The following PGM2 variants were observed in gnomAD, a reference collection of about 807,000 sequenced individuals.
PGM2 encodes phosphoglucomutase 2.
PGM2 carries 57 observed loss-of-function variants against 74.6 expected under a neutral mutation model. The observed-to-expected ratio is 0.76, with a 90% confidence interval of 0.62 to 0.95. The LOEUF (loss-of-function observed/expected upper bound fraction) is 0.95. PGM2 is among the 40% of genes least tolerant of loss of function. PGM2 has a pLI of 0.00. For synonymous variants in PGM2, 273 were observed against 260.7 expected (o/e 1.05, Z -0.46); for missense variants, 706 against 741.9 (o/e 0.95, Z 0.56).
chr4:37,844,185 T>G (rs1725802883), intron 6 of PGM2, among the ~76,000 whole-genome samples, 179 bp from the exon 7 acceptor site: 1 of 151,226 alleles, frequency 6.6e-6, no homozygotes, highest in African/African-American at 2.4e-5. Context: ...AGAGTAGAAT[T>G]TAAAACTTGA....
At chr4:37,859,322 G>A (rs1711677793) in intron 13 of PGM2, among the ~76,000 whole-genome samples, 1 of 152,138 alleles carries the variant, frequency 6.6e-6, no homozygotes, top group Non-Finnish European at 1.5e-5. Flanking sequence ...GTTTCCAGTG[G>A]ACCAACAGAA....
intron 12 of PGM2, among the ~76,000 whole-genome samples, chr4:37,852,582 G>C (rs1726079495): frequency 6.6e-6 from 1 of 152,160 alleles, no homozygotes; most frequent in Non-Finnish European, 1.5e-5. Flanking sequence ...GTCTTATTCT[G>C]TCCTCACACT....
At chr4:37,841,705 G>A (rs1346306050) in intron 6 of PGM2, among the ~76,000 whole-genome samples, 3 of 152,140 alleles carry the variant, frequency 2.0e-5, no homozygotes, top group African/African-American at 4.8e-5. Flanking sequence ...GACAAAATAC[G>A]TCTGTGAACT....
intron 12 of PGM2, among the ~76,000 whole-genome samples, chr4:37,852,269 T>G (rs1419588020): frequency 6.6e-6 from 1 of 150,962 alleles, no homozygotes; most frequent in African/African-American, 2.4e-5. Flanking sequence ...CCTGCCTTAA[T>G]TCATGTAGTA....
chr4:37,854,119 T>G (rs1726124612), intron 12 of PGM2, among the ~76,000 whole-genome samples: 1 of 152,172 alleles, frequency 6.6e-6, no homozygotes, highest in African/African-American at 2.4e-5. Flanking sequence ...AGACCAGTTC[T>G]GTGCCTCCAT....
In PGM2 at chr4:37,848,539, T is replaced by C. The variant is rs1233897557; in HGVS notation, c.1300T>C (p.Phe434Leu). 6.2e-6 allele frequency: 10 copies of C among 1,613,718 alleles called. No homozygotes were observed. The highest frequency in any genetic ancestry group is 1.3e-5 in the African/African-American group (1 of 75,046). Residue 434 changes from phenylalanine to leucine, a missense_variant, in exon 11 of 14, where the codon TTT becomes CTT. Coordinates refer to ENST00000381967, the MANE Select transcript of PGM2 (RefSeq NM_018290.4). ...TTCTGCAGGATACATGTGCTGCCCTTTTGTTCTGGACAAAGATGGAGTCAG... is the reference window on the plus strand; with the variant it reads ...TTCTGCAGGATACATGTGCTGCCCTCTTGTTCTGGACAAAGATGGAGTCAG... ...EEAIGYMCCP[F>L]VLDKDGVSAA...
In PGM2 at chr4:37,840,071, T is replaced by C. The variant is rs757963215; in HGVS notation, c.531T>C (p.Tyr177=). Residue 177 remains tyrosine, a synonymous_variant, in exon 6 of 14, where the codon TAT becomes TAC. Transcript: ENST00000381967. ...NPKQDNGYKV[Y]WDNGAQIISP... ...TGTGTTCCTGGGTCCTCTAGGTCTATTGGGATAATGGAGCTCAGATCATTT... is the reference window on the plus strand; with the variant it reads ...TGTGTTCCTGGGTCCTCTAGGTCTACTGGGATAATGGAGCTCAGATCATTT... 3 of 1,612,950 alleles carry C rather than the reference T, an allele frequency of 1.9e-6. No individual in the cohort carries two copies. Among genetic ancestry groups the C allele is most frequent in the African/African-American group, 1.3e-5 (1 of 74,858 alleles).
chr4:37,848,086 TAAA>T (rs1298099050), intron 10 of PGM2, among the ~76,000 whole-genome samples: 5 of 152,200 alleles, frequency 3.3e-5, no homozygotes, highest in African/African-American at 1.2e-4. Flanking sequence ...TCAGTGACTC[TAAA>T]AGAAATGGAT....
chr4:37,832,672 G>C (rs888206704), intron 2 of PGM2, among the ~76,000 whole-genome samples: 4 of 152,146 alleles, frequency 2.6e-5, no homozygotes, highest in African/African-American at 9.7e-5. Flanking sequence ...TTTAGCCATA[G>C]CATACCAGTG....
chr4:37,833,326 C>T (rs1039525673), intron 2 of PGM2, among the ~76,000 whole-genome samples: 1 of 152,156 alleles, frequency 6.6e-6, no homozygotes, highest in Non-Finnish European at 1.5e-5. Flanking sequence ...GAGGCCAAGG[C>T]AGGAGGATTG....
intron 1 of PGM2, among the ~76,000 whole-genome samples, chr4:37,827,292 A>T (rs1725318334): frequency 6.6e-6 from 1 of 152,194 alleles, no homozygotes; most frequent in African/African-American, 2.4e-5. Context: ...GGGCTTGGTT[A>T]CAAACGTGGG....
intron 3 of PGM2, among the ~76,000 whole-genome samples, chr4:37,835,104 C>G (rs371712489): frequency 6.6e-6 from 1 of 152,154 alleles, no homozygotes; most frequent in East Asian, 1.9e-4. Flanking sequence ...CAATGGGACT[C>G]TCTTATGTAG....
intron 2 of PGM2, among the ~76,000 whole-genome samples, chr4:37,830,639 T>A (rs1220933850): frequency 6.6e-6 from 1 of 152,198 alleles, no homozygotes; most frequent in Non-Finnish European, 1.5e-5. Flanking sequence ...AAGGAGATAA[T>A]TTGACAAAAC....
At chr4:37,850,990 C>CAAA (rs34801450) in intron 12 of PGM2, among the ~76,000 whole-genome samples, 7,091 of 107,036 alleles carry the variant, frequency 0.066, 606 homozygotes, top group East Asian at 0.18. Flanking sequence ...GACTTCATCT[C>CAAA]AAAAAAAAAA....
At chr4:37,834,816 C>A in intron 3 of PGM2, 92 bp downstream of exon 3, 1 of 609,330 alleles carries the variant, frequency 1.6e-6, no homozygotes, top group South Asian at 2.2e-5. Flanking sequence ...TTAATATATT[C>A]ATTAGCCTCA....
chr4:37,844,331 T>C, intron 6 of PGM2, 33 bp from the exon 7 acceptor site: 1 of 1,454,724 alleles, frequency 6.9e-7, no homozygotes, highest in Non-Finnish European at 9.4e-7. Flanking sequence ...TGTTTCTGCC[T>C]TGTATCATTT....
At chr4:37,843,607 A>T (rs563628704) in intron 6 of PGM2, among the ~76,000 whole-genome samples, 6 of 147,208 alleles carry the variant, frequency 4.1e-5, no homozygotes, top group Middle Eastern at 3.5e-3. Context: ...ATTTATTATT[A>T]TTATTTTTTT....
At chr4:37,831,505 C>A (rs1210867627) in intron 2 of PGM2, among the ~76,000 whole-genome samples, 1 of 152,212 alleles carries the variant, frequency 6.6e-6, no homozygotes. Flanking sequence ...TCAGCACCAT[C>A]TGGGCCAGTT....
intron 12 of PGM2, among the ~76,000 whole-genome samples, chr4:37,854,061 C>A (rs1037651650): frequency 5.3e-5 from 8 of 152,318 alleles, no homozygotes; most frequent in African/African-American, 1.9e-4. Context: ...CAGTTCTCAT[C>A]CATGTCTCCT....
Sources: gnomAD v4.1 joint callset for allele counts (sites outside exome capture counted in the v4.1 genomes callset) on GRCh38, gnomAD v4.1.1 for gene constraint, MANE v1.5 for transcripts, NCBI Gene and HGNC (gene_info 2026-07-23, HGNC 2026-07-21) for gene names.